Variants in KAT2A observed in about 807,000 individuals in gnomAD.
KAT2A encodes histone acetyltransferase KAT2A.
A neutral mutation model predicts 95.2 loss-of-function variants in KAT2A; 42 were observed. The ratio of observed to expected loss-of-function variants is 0.44; its 90% CI spans 0.34 to 0.57. The LOEUF (loss-of-function observed/expected upper bound fraction) is 0.57. Ranked by LOEUF, KAT2A falls within the 20% of genes least tolerant of loss-of-function variation. The pLI, the probability that KAT2A is intolerant of heterozygous loss-of-function variation, is 0.01. For synonymous variants in KAT2A, 449 were observed against 448.2 expected (o/e 1.00, Z -0.02); for missense variants, 784 against 1,126.3 (o/e 0.70, Z 4.35).
At chr17:42,120,855 A>C in intron 1 of KAT2A, 26 bp from the exon 2 acceptor site, 1 of 1,597,472 alleles carries the variant, frequency 6.3e-7, no homozygotes, top group Non-Finnish European at 8.5e-7. Flanking sequence ...TCAGTCAATG[A>C]CCTATACCTC....
At chr17:42,115,664 G>T in intron 12 of KAT2A, 59 bp downstream of exon 12, 1 of 1,083,454 alleles carries the variant, frequency 9.2e-7, no homozygotes, top group Non-Finnish European at 1.4e-6. Flanking sequence ...CAGAGGGGCT[G>T]GACAGAATTA....
rs2054268022 is a variant in KAT2A, at chr17:42,117,009, G to A, written c.1764+26C>T. On this transcript the variant is annotated intron_variant, in intron 11 of 17. Transcript: ENST00000225916. The surrounding 1 kb of genome is among the most constrained non-coding windows in gnomAD (Gnocchi z 8.9). Reference sequence around the variant, plus strand: ...AACTCAGGAGTGGGCCGTGGACTGGGGCTGGGGCCGGGGAGCCGCGCTCAC... The same window carrying A: ...AACTCAGGAGTGGGCCGTGGACTGGAGCTGGGGCCGGGGAGCCGCGCTCAC... The A allele has an allele frequency of 1.2e-6, 2 of 1,612,554 alleles. No homozygotes were observed. The highest frequency in any genetic ancestry group is 4.5e-5 in the East Asian group (2 of 44,862).
chr17:42,117,230 G>C lies in KAT2A; in HGVS notation c.1638-69C>G. The C allele has an allele frequency of 6.3e-7, 1 of 1,598,832 alleles. No individual in the cohort carries two copies. The highest frequency in any genetic ancestry group is 8.5e-7 in the Non-Finnish European group (1 of 1,170,808). On this transcript the variant is annotated intron_variant, in intron 10 of 17. Coordinates refer to ENST00000225916, the MANE Select transcript of KAT2A (RefSeq NM_021078.3). This position sits in a 1 kb window ranked among gnomAD's most constrained non-coding sequence, Gnocchi z 8.9. ...CAGGTCCCCAGAGCCCTGGAAGTCT[G>C]AGCTGTAGTCAGGGTTGGGCAGTGA... is the stretch of plus-strand genomic sequence containing the variant.
rs782726465 is a variant in KAT2A at position 42,115,066 on chromosome 17, T to C, written c.1876-31A>G. The C allele has an allele frequency of 5.6e-6, 9 of 1,607,772 alleles. No individual in the cohort carries two copies. In the South Asian group the frequency reaches 8.8e-5, roughly 16 times the overall value. On this transcript the variant is annotated intron_variant, in intron 12 of 17. Coordinates refer to ENST00000225916, the MANE Select transcript of KAT2A (RefSeq NM_021078.3). Reference sequence around the variant, plus strand: ...GGGTGGATGGTCATGACCCAGTCCATCCATAAGTATTTCCCAACTTCTGTC... The same window carrying C: ...GGGTGGATGGTCATGACCCAGTCCACCCATAAGTATTTCCCAACTTCTGTC...
At position 42,119,653 on chromosome 17, in the gene KAT2A, G is replaced by A. The variant is rs200505315; in HGVS notation, c.765C>T (p.Phe255=). The change falls in exon 5 of 18, where the codon TTC becomes TTT. Residue 255 remains phenylalanine, a synonymous_variant. Transcript: ENST00000225916. This position sits in a 1 kb window ranked among gnomAD's most constrained non-coding sequence, Gnocchi z 5.3. ...AGAGCAAGAACATCTTTGAGAGCTCGAACATCGTCTGCCGCTCCCGGGGAG... is the reference window on the plus strand; with the variant it reads ...AGAGCAAGAACATCTTTGAGAGCTCAAACATCGTCTGCCGCTCCCGGGGAG... ...HLAPRERQTM[F]ELSKMFLLCL... 49 of 1,613,980 alleles carry A rather than the reference G, an allele frequency of 3.0e-5. No homozygotes were observed. The East Asian group carries it at 9.8e-4, about 32-fold the overall frequency.
chr17:42,115,247 C>T (rs1555665738), intron 12 of KAT2A, among the ~76,000 whole-genome samples: 1 of 149,544 alleles, frequency 6.7e-6, no homozygotes, highest in Non-Finnish European at 1.5e-5. Flanking sequence ...TCCCCCAGTT[C>T]CTCCAGCCTG....
intron 2 of KAT2A, 135 bp downstream of exon 2, chr17:42,120,571 C>T: frequency 8.7e-7 from 1 of 1,152,764 alleles, no homozygotes; most frequent in South Asian, 1.4e-5. Context: ...CCCCTTGGTG[C>T]ACACCCCCCC....
Position 42,119,974 on chromosome 17 carries a change from C to T in KAT2A, c.699+56G>A, listed in dbSNP as rs950762935. On this transcript the variant is annotated intron_variant, in intron 4 of 17. Coordinates refer to ENST00000225916, the MANE Select transcript of KAT2A (RefSeq NM_021078.3). The surrounding 1 kb of genome is among the most constrained non-coding windows in gnomAD (Gnocchi z 5.3). ...GAGAATGGAGAACACAGGCTCCCCA[C>T]TCCTCCAAGCTGTCCCCAATTCTCC... 15 of 1,444,126 alleles carry T rather than the reference C, an allele frequency of 1.0e-5. No individual in the cohort carries two copies. In the African/African-American group the frequency reaches 2.1e-4, roughly 20 times the overall value. The allele number at this position is 1,444,126 out of a possible 1,614,324, so 89.5% of individuals were successfully genotyped here.
Position 42,114,520 on chromosome 17 carries a change from G to A in KAT2A, c.2104C>T (p.Gln702Ter), listed in dbSNP as rs782192147. 1.2e-6 allele frequency: 2 copies of A among 1,614,112 alleles called. No homozygotes were observed. The highest frequency in any genetic ancestry group is 1.1e-5 in the South Asian group (1 of 91,086). The change falls in exon 14 of 18, where the codon CAG (glutamine) becomes TAG (stop). Residue 702 changes from glutamine (Q) to a stop codon, truncating the protein, a stop_gained. Coordinates refer to ENST00000225916, the MANE Select transcript of KAT2A (RefSeq NM_021078.3). LOFTEE classifies it high-confidence loss of function. The surrounding 1 kb of genome is among the most constrained non-coding windows in gnomAD (Gnocchi z 6.0). ...GLSCFKEGVR[Q>*]IPVESVPGIR... is the part of the protein sequence containing the mutation. The stretch of plus-strand genomic sequence containing the variant: ...CCAGGAACGCTCTCCACAGGGATCT[G>A]CCTCACGCCCTCCTTGAAGCAGCTG...
Position 42,117,024 on chromosome 17 carries a change from G to A in KAT2A, c.1764+11C>T. The A allele has an allele frequency of 6.2e-7, 1 of 1,613,502 alleles. No individual in the cohort carries two copies. The highest frequency in any genetic ancestry group is 1.1e-5 in the South Asian group (1 of 91,074). On this transcript the variant is annotated intron_variant, in intron 11 of 17. Coordinates refer to ENST00000225916, the MANE Select transcript of KAT2A (RefSeq NM_021078.3). This position sits in a 1 kb window ranked among gnomAD's most constrained non-coding sequence, Gnocchi z 8.9. ...CGTGGACTGGGGCTGGGGCCGGGGA[G>A]CCGCGCTCACCTTGACCTGCTCATT...
intron 17 of KAT2A, 53 bp from the exon 18 acceptor site, chr17:42,113,895 G>T: frequency 1.3e-6 from 2 of 1,507,170 alleles, no homozygotes; most frequent in Non-Finnish European, 1.8e-6. Flanking sequence ...ACCACGGCAG[G>T]GCTGTCCACC....
chr17:42,118,044 T>C (rs73986523), intron 7 of KAT2A, 27 bp from the exon 8 acceptor site: 31,556 of 1,278,206 alleles, frequency 0.025, 1,042 homozygotes, highest in African/African-American at 0.036. Context: ...ACGTCAGGGA[T>C]GGGGGGCTGA....
At position 42,120,786 on chromosome 17, in the gene KAT2A, G is replaced by A; in HGVS notation, c.383C>T (p.Pro128Leu). ...CAGATCCATGCGGGGTGCAGTGGGG[G>A]GCTTGGGGTTTTTCCAGCCATTACA... ...CKCNGWKNPK[P>L]PTAPRMDLQQ... The change falls in exon 2 of 18, where the codon CCC becomes CTC. Residue 128 changes from proline (P) to leucine (L), a missense_variant. Pro to Leu is a moderately conservative substitution (Grantham distance 98). Transcript: ENST00000225916. 1 of 1,613,816 alleles carries A rather than the reference G, an allele frequency of 6.2e-7. No homozygotes were observed. The highest frequency in any genetic ancestry group is 8.5e-7 in the Non-Finnish European group (1 of 1,179,886).
At position 42,119,022 on chromosome 17, in the gene KAT2A, G is replaced by A. The variant is rs746976945; in HGVS notation, c.1073+223C>T. On this transcript the variant is annotated intron_variant, in intron 6 of 17. Transcript: ENST00000225916. The surrounding 1 kb of genome is among the most constrained non-coding windows in gnomAD (Gnocchi z 5.3). The stretch of plus-strand genomic sequence containing the variant: ...GTAACATCTACTGGGGCGTAGGGTC[G>A]GGTGGGGGCAGCGTTAGCTTGGGCT... 3.5e-5 allele frequency: 48 copies of A among 1,368,454 alleles called. No individual in the cohort carries two copies. The highest frequency in any genetic ancestry group is 4.0e-5 in the Non-Finnish European group (42 of 1,063,228). The allele number at this position is 1,368,454 out of a possible 1,614,324, so 84.8% of individuals were successfully genotyped here.
rs782811528 is a variant in KAT2A at position 42,114,443 on chromosome 17, C to A, written c.2134+47G>T. Reference sequence around the variant, plus strand: ...TGTCTCTAAGAATGCCAGTCCACACCCCAAGCATCGTGCCCCCACTACCCT... The same window carrying A: ...TGTCTCTAAGAATGCCAGTCCACACACCAAGCATCGTGCCCCCACTACCCT... On this transcript the variant is annotated intron_variant, in intron 14 of 17. Transcript: ENST00000225916. The surrounding 1 kb of genome is among the most constrained non-coding windows in gnomAD (Gnocchi z 6.0). 1 of 1,613,398 alleles carries A rather than the reference C, an allele frequency of 6.2e-7. No homozygotes were observed. The highest frequency in any genetic ancestry group is 8.5e-7 in the Non-Finnish European group (1 of 1,179,386).
chr17:42,114,360 C>A lies in KAT2A; in HGVS notation c.2169G>T (p.Lys723Asn). The A allele has an allele frequency of 1.9e-6, 3 of 1,614,078 alleles. No individual in the cohort carries two copies. The highest frequency in any genetic ancestry group is 2.5e-6 in the Non-Finnish European group (3 of 1,179,978). ...AACCCGGCTCCTTTGACACTCACCC[C>A]TTCTCCTTCCCCAATGGCTTCCAGC... The part of the protein sequence containing the change: ...ETGWKPLGKE[K>N]GKELKDPDQL... The change falls in exon 15 of 18, where the codon AAG becomes AAT. Residue 723 changes from lysine (K) to asparagine (N), a missense_variant and splice_region_variant. Transcript: ENST00000225916. This position sits in a 1 kb window ranked among gnomAD's most constrained non-coding sequence, Gnocchi z 6.0.
At position 42,117,501 on chromosome 17, in the gene KAT2A, C is replaced by G; in HGVS notation, c.1524G>C (p.Leu508=). 6.2e-7 allele frequency: 1 copy of G among 1,613,734 alleles called. No individual in the cohort carries two copies. Among genetic ancestry groups the G allele is most frequent in the Non-Finnish European group, 8.5e-7 (1 of 1,180,044 alleles). The change falls in exon 10 of 18, where the codon CTG becomes CTC. Residue 508 remains leucine (L), a synonymous_variant. Coordinates refer to ENST00000225916, the MANE Select transcript of KAT2A (RefSeq NM_021078.3). This position sits in a 1 kb window ranked among gnomAD's most constrained non-coding sequence, Gnocchi z 8.9. ...ACACCCGCCGGTTGGCCTTGGGCGT[C>G]AGTGAGTTGCCGATGACATGGAACT... ...IIEFHVIGNS[L]TPKANRRVLL...
In KAT2A at chr17:42,119,767, C is replaced by T. The variant is rs1555666899; in HGVS notation, c.700-49G>A. 1.4e-6 allele frequency: 2 copies of T among 1,471,512 alleles called. No individual in the cohort carries two copies. The highest frequency in any genetic ancestry group is 4.2e-5 in the Admixed American group (2 of 48,156). The allele number at this position is 1,471,512 out of a possible 1,614,324, so 91.2% of individuals were successfully genotyped here. ...AAAACCAGGAATGAGGTGTGAGCAGCCCGCAGGGCCTTCTTAGACAAAGGA... is the reference window on the plus strand; with the variant it reads ...AAAACCAGGAATGAGGTGTGAGCAGTCCGCAGGGCCTTCTTAGACAAAGGA... On this transcript the variant is annotated intron_variant, in intron 4 of 17. Transcript: ENST00000225916. This position sits in a 1 kb window ranked among gnomAD's most constrained non-coding sequence, Gnocchi z 5.3.
At position 42,113,775 on chromosome 17, in the gene KAT2A, G is replaced by A. The variant is rs1204773601; in HGVS notation, c.2388C>T (p.Asp796=). Residue 796 remains aspartate (D), a synonymous_variant, in exon 18 of 18, where the codon GAC becomes GAT. Coordinates refer to ENST00000225916, the MANE Select transcript of KAT2A (RefSeq NM_021078.3). ...GACAGTTGGCGATGACCCGCTGCAG[G>A]TCGGCCACAAAGAGCTTCCGGGTCA... The part of the protein sequence containing the change: ...YYVTRKLFVA[D]LQRVIANCRE... 1 of 1,610,302 alleles carries A rather than the reference G, an allele frequency of 6.2e-7. No individual in the cohort carries two copies. The highest frequency in any genetic ancestry group is 1.7e-5 in the Admixed American group (1 of 59,008).
Sources: gnomAD v4.1 joint callset for allele counts (sites outside exome capture counted in the v4.1 genomes callset) on GRCh38, gnomAD v4.1.1 for gene constraint, Gnocchi (gnomAD v3.1) non-coding constraint, MANE v1.5 for transcripts, NCBI Gene and HGNC (gene_info 2026-07-23, HGNC 2026-07-21) for gene names.